The following RRM1 variants were observed in gnomAD, a reference collection of about 807,000 sequenced individuals.
RRM1 encodes ribonucleotide reductase catalytic subunit M1.
Under a neutral mutation model 101.5 loss-of-function variants are expected in RRM1, and 19 were observed. The observed-to-expected ratio is 0.19, with a 90% CI of 0.13 to 0.27. The LOEUF is 0.27. RRM1 is among the 10% of genes least tolerant of loss of function. RRM1 has a pLI of 1.00. For synonymous variants in RRM1, 298 were observed against 323.4 expected (o/e 0.92, Z 0.84); for missense variants, 500 against 962.9 (o/e 0.52, Z 6.36).
intron 3 of RRM1, 155 bp downstream of exon 3, chr11:4,106,378 C>T (rs1285778582): frequency 1.6e-5 from 10 of 643,160 alleles, no homozygotes; most frequent in African/African-American, 5.5e-5. Context: ...GCAGGCAAAT[C>T]GCTTGAGTCC....
intron 7 of RRM1, among the ~76,000 whole-genome samples, chr11:4,117,387 C>T (rs2094575187): frequency 6.6e-6 from 1 of 152,094 alleles, no homozygotes; most frequent in South Asian, 2.1e-4. Flanking sequence ...TGGAAATAAT[C>T]CAGATGTTCA....
intron 2 of RRM1, among the ~76,000 whole-genome samples, chr11:4,103,946 CAAAAAA>C (rs34264302): frequency 2.1e-5 from 2 of 95,094 alleles, no homozygotes; most frequent in Non-Finnish European, 4.2e-5. Context: ...CCTGTTTCTA[CAAAAAA>C]AAAAAAAAAA....
In RRM1 at chr11:4,138,211, T is replaced by A; in HGVS notation, c.2207T>A (p.Met736Lys). 1 of 1,573,904 alleles carries A rather than the reference T, an allele frequency of 6.4e-7. No individual in the cohort carries two copies. Among genetic ancestry groups the A allele is most frequent in the Non-Finnish European group, 8.7e-7 (1 of 1,148,132 alleles). The change falls in exon 19 of 19, where the codon ATG becomes AAG. Residue 736 changes from methionine (M) to lysine (K), a missense_variant. Physicochemically the swap from Met to Lys is moderately conservative, Grantham distance 95. This residue lies in a region of RRM1 where 79 missense variants were observed against 176.4 expected (regional missense o/e 0.45). Transcript: ENST00000300738. The part of the protein sequence containing the change: ...YGWKQGLKTG[M>K]YYLRTRPAAN... ...TCCTTGTAGGGTTTGAAGACTGGGATGTATTATTTAAGGACAAGACCAGCG... is the reference window on the plus strand; with the variant it reads ...TCCTTGTAGGGTTTGAAGACTGGGAAGTATTATTTAAGGACAAGACCAGCG...
chr11:4,125,846 A>G (rs868355134), intron 12 of RRM1, among the ~76,000 whole-genome samples: 2 of 152,220 alleles, frequency 1.3e-5, no homozygotes. Flanking sequence ...CTATATTTAA[A>G]AAAATGGGTA....
At chr11:4,101,234 G>T (rs575090581) in intron 1 of RRM1, among the ~76,000 whole-genome samples, 1 of 152,010 alleles carries the variant, frequency 6.6e-6, no homozygotes, top group African/African-American at 2.4e-5. Context: ...AGTTGTCAAG[G>T]TACAATAGGA....
intron 1 of RRM1, among the ~76,000 whole-genome samples, chr11:4,101,204 G>A (rs373341776): frequency 1.3e-4 from 20 of 152,188 alleles, no homozygotes; most frequent in East Asian, 1.2e-3. Flanking sequence ...ACCTAAAGGA[G>A]ATATATAGCA....
intron 12 of RRM1, among the ~76,000 whole-genome samples, chr11:4,123,925 A>G (rs1475999688): frequency 1.3e-5 from 2 of 152,264 alleles, no homozygotes; most frequent in Non-Finnish European, 2.9e-5. Flanking sequence ...AAGAGACTTC[A>G]CAGAAGAATC....
At position 4,106,347 on chromosome 11, in the gene RRM1, C is replaced by T. The variant is rs1252748099; in HGVS notation, c.286+124C>T. The stretch of plus-strand genomic sequence containing the variant: ...GATGGGGTGGCTTACACCTCGAATC[C>T]CAGCAATTTGGGAGGCCAAGGCAGG... On this transcript the variant is annotated intron_variant, in intron 3 of 18. Coordinates refer to ENST00000300738, the MANE Select transcript of RRM1 (RefSeq NM_001033.5). 3 of 839,596 alleles carry T rather than the reference C, an allele frequency of 3.6e-6. No individual in the cohort carries two copies. In the African/African-American group the frequency reaches 5.1e-5, roughly 14 times the overall value. The allele number at this position is 839,596 out of a possible 1,614,324, so 52.0% of individuals were successfully genotyped here. A position where few individuals can be genotyped will look rare whatever the true frequency, so the allele number is the denominator to read the frequency against.
intron 2 of RRM1, 128 bp downstream of exon 2, chr11:4,102,209 T>G (rs2133287189): frequency 1.6e-6 from 1 of 613,732 alleles, no homozygotes; most frequent in East Asian, 3.0e-5. Flanking sequence ...ATATAAAATT[T>G]GAATTCATTG....
At chr11:4,131,292 A>G (rs2094599765) in intron 15 of RRM1, among the ~76,000 whole-genome samples, 1 of 152,186 alleles carries the variant, frequency 6.6e-6, no homozygotes, top group Admixed American at 6.5e-5. Flanking sequence ...CTGTGATTAA[A>G]TTACCTCCCG....
intron 7 of RRM1, among the ~76,000 whole-genome samples, chr11:4,114,597 A>G (rs1009055741): frequency 2.6e-5 from 4 of 152,066 alleles, no homozygotes; most frequent in African/African-American, 4.8e-5. Context: ...ATTACTGACG[A>G]CTGTAGACTG....
intron 18 of RRM1, among the ~76,000 whole-genome samples, chr11:4,135,941 T>C (rs1203382334): frequency 6.6e-6 from 1 of 151,336 alleles, no homozygotes; most frequent in African/African-American, 2.4e-5. Flanking sequence ...TGAAGTCTTA[T>C]AGTCTGTTGT....
Position 4,102,008 on chromosome 11 carries a change from G to A in RRM1, c.35G>A (p.Arg12Gln), listed in dbSNP as rs146995794. The A allele has an allele frequency of 4.4e-6, 7 of 1,594,462 alleles. No individual in the cohort carries two copies. The highest frequency in any genetic ancestry group is 1.1e-5 in the South Asian group (1 of 89,536). Residue 12 changes from arginine (R) to glutamine (Q), a missense_variant, in exon 2 of 19, where the codon CGA becomes CAA. Arg to Gln is a conservative substitution (Grantham distance 43, BLOSUM62 1). This residue lies in a region of RRM1 where 44 missense variants were observed against 119.4 expected (regional missense o/e 0.37). Transcript: ENST00000300738. ...HVIKRDGRQE[R>Q]VMFDKITSRI... ...GATTCTTTAGATGGCCGCCAAGAAC[G>A]AGTCATGTTTGACAAAATTACATCT...
At chr11:4,133,399 C>T (rs1047654026) in intron 16 of RRM1, among the ~76,000 whole-genome samples, 164 bp from the exon 17 acceptor site, 7 of 152,122 alleles carry the variant, frequency 4.6e-5, no homozygotes, top group Non-Finnish European at 8.8e-5. Context: ...ATATAGCTTT[C>T]GTGTGGTGGC....
At position 4,130,066 on chromosome 11, in the gene RRM1, T is replaced by TTATATATATATATATATATA. The variant is rs746526097; in HGVS notation, c.1769+918_1769+937dup. 1.9e-3 allele frequency among the ~76,000 whole-genome samples: 63 copies of TTATATATATATATATATATA among 32,970 alleles called. 2 individuals are homozygous for TTATATATATATATATATATA. The highest frequency in any genetic ancestry group is 4.3e-3 in the African/African-American group (42 of 9,834). 21.6% of individuals were successfully genotyped at this position (32,970 alleles called of 152,430 possible). A position where few individuals can be genotyped will look rare whatever the true frequency, so the allele number is the denominator to read the frequency against. On this transcript the variant is annotated intron_variant, in intron 15 of 18. Transcript: ENST00000300738. ...TTAAGAAAATGGACCTGTACTGTAT[T>TTATATATATATATATATATA]TATATATATATATATATATATTTTT...
intron 12 of RRM1, 65 bp from the exon 13 acceptor site, chr11:4,126,619 G>C: frequency 6.9e-7 from 1 of 1,454,104 alleles, no homozygotes; most frequent in Non-Finnish European, 9.4e-7. Flanking sequence ...TCACATGGTG[G>C]TGTAATTGAC....
At chr11:4,102,248 G>C (rs919940759) in intron 2 of RRM1, among the ~76,000 whole-genome samples, 167 bp downstream of exon 2, 3 of 151,674 alleles carry the variant, frequency 2.0e-5, no homozygotes, top group African/African-American at 7.3e-5. Context: ...CCTTAATTTT[G>C]GTTCTGTCCT....
chr11:4,115,214 A>T (rs1488598377), intron 7 of RRM1, among the ~76,000 whole-genome samples: 6 of 152,180 alleles, frequency 3.9e-5, no homozygotes, highest in African/African-American at 1.4e-4. Flanking sequence ...GTCAGGTCGA[A>T]ATTCCTGGAA....
At chr11:4,116,095 C>G (rs1377557277) in intron 7 of RRM1, 1 of 152,164 alleles carries the variant, frequency 6.6e-6, no homozygotes, top group Non-Finnish European at 1.5e-5. Context: ...TCTCGCTGTG[C>G]CAAAGGTGCA....
Sources: allele counts gnomAD v4.1 joint callset (sites outside exome capture counted in the v4.1 genomes callset), GRCh38; gene constraint gnomAD v4.1.1; regional missense constraint gnomAD v4.1.1; transcripts MANE v1.5; gene names NCBI Gene and HGNC (gene_info 2026-07-23, HGNC 2026-07-21).